Variants in CLTCL1 observed in about 807,000 individuals in gnomAD.
The protein encoded by CLTCL1 is clathrin heavy chain like 1, also known as clathrin heavy chain 2.
CLTCL1 carries 159 observed loss-of-function variants against 190.0 expected under a neutral mutation model. That is an observed-to-expected ratio of 0.84 (90% confidence interval 0.74 to 0.95). The LOEUF (loss-of-function observed/expected upper bound fraction) is 0.95, where lower values mean the gene tolerates loss of function less well. Ranked by LOEUF, CLTCL1 falls within the 40% of genes least tolerant of loss-of-function variation. The probability of loss-of-function intolerance (pLI) is 0.00; values close to 1 mark genes in which losing one functional copy is unlikely to be tolerated. For missense variants in CLTCL1, 1,878 were observed against 2,033.4 expected (o/e 0.92, Z 1.47); for synonymous variants, 752 against 769.6 (o/e 0.98, Z 0.38).
intron 3 of CLTCL1, among the ~76,000 whole-genome samples, chr22:19,252,522 C>T (rs1336165251): frequency 6.6e-6 from 1 of 152,176 alleles, no homozygotes; most frequent in East Asian, 1.9e-4. Context: ...TTGACTTAAG[C>T]TGCTCTCTCA....
Position 19,180,210 on chromosome 22 carries a change from A to G in CLTCL1, c.*9T>C. The G allele has an allele frequency of 6.2e-7, 1 of 1,613,772 alleles. No homozygotes were observed. The highest frequency in any genetic ancestry group is 8.5e-7 in the Non-Finnish European group (1 of 1,179,788). The stretch of plus-strand genomic sequence containing the variant: ...AATGGGACACTTACTTAGTGCAATC[A>G]GCTGGGTCTCATTCATGCCCATCAA... On this transcript the variant is annotated 3_prime_UTR_variant, in exon 32 of 33. Transcript: ENST00000427926.
chr22:19,180,477 G>C (rs1010497494), intron 31 of CLTCL1, among the ~76,000 whole-genome samples: 1 of 152,200 alleles, frequency 6.6e-6, no homozygotes, highest in Non-Finnish European at 1.5e-5. Flanking sequence ...GCCAGGCCCA[G>C]CAGGACACAG....
At chr22:19,243,438 C>A (rs1474333862) in intron 3 of CLTCL1, among the ~76,000 whole-genome samples, 2 of 152,066 alleles carry the variant, frequency 1.3e-5, no homozygotes, top group African/African-American at 4.8e-5. Context: ...GGCAACATAG[C>A]AAGACGCCAT....
rs5746694 is a variant in CLTCL1 at position 19,237,111 on chromosome 22, C to A, written c.796-1242G>T. ...AGGTGCCACATATCACAAATTACGA[C>A]TGGGAAAAATATTCAAAATACATCA... On this transcript the variant is annotated intron_variant, in intron 5 of 32. Coordinates refer to ENST00000427926, the MANE Select transcript of CLTCL1 (RefSeq NM_007098.4). 7.2e-3 allele frequency among the ~76,000 whole-genome samples: 1,092 copies of A among 152,180 alleles called. 18 individuals are homozygous for A. The highest frequency in any genetic ancestry group is 0.05 in the South Asian group (242 of 4,820).
At chr22:19,226,975 T>G (rs1250327977) in intron 11 of CLTCL1, among the ~76,000 whole-genome samples, 3 of 151,930 alleles carry the variant, frequency 2.0e-5, no homozygotes. Flanking sequence ...TGACCTCAAA[T>G]GATCTGCCCA....
chr22:19,257,846 G>A (rs1238335801), intron 2 of CLTCL1: 3 of 1,420,626 alleles, frequency 2.1e-6, no homozygotes, highest in Non-Finnish European at 2.8e-6. Flanking sequence ...ATTAGAGGCT[G>A]GAGAGCAAAA....
At position 19,267,874 on chromosome 22, in the gene CLTCL1, G is replaced by A. The variant is rs1455490914; in HGVS notation, c.250+7749C>T. Among the ~76,000 whole-genome samples the A allele has an allele frequency of 2.7e-5, 4 of 150,036 alleles. No homozygotes were observed. The East Asian group carries it at 7.8e-4, about 29-fold the overall frequency. Reference sequence around the variant, plus strand: ...TGCGCCCCTGCACTCCAGGCTGGGTGAGAAGAACAAGACTCTGTCTCAAAA... The same window carrying A: ...TGCGCCCCTGCACTCCAGGCTGGGTAAGAAGAACAAGACTCTGTCTCAAAA... On this transcript the variant is annotated intron_variant, in intron 2 of 32. Transcript: ENST00000427926.
At chr22:19,223,806 C>CT in intron 14 of CLTCL1, 85 bp downstream of exon 14, 1 of 1,534,308 alleles carries the variant, frequency 6.5e-7, no homozygotes, top group Non-Finnish European at 8.9e-7. Context: ...ATCCAGCTTC[C>CT]TGCCCCTGGG....
At chr22:19,197,137 G>A (rs2084736568) in intron 24 of CLTCL1, among the ~76,000 whole-genome samples, 1 of 152,112 alleles carries the variant, frequency 6.6e-6, no homozygotes, top group Non-Finnish European at 1.5e-5. Flanking sequence ...CCCTGGACAA[G>A]ACCAGACGTC....
At chr22:19,248,318 T>G (rs369507957) in intron 3 of CLTCL1, among the ~76,000 whole-genome samples, 64 of 152,152 alleles carry the variant, frequency 4.2e-4, no homozygotes, top group African/African-American at 1.5e-3. Flanking sequence ...AATTATGAAT[T>G]TTTTTGCAAT....
At chr22:19,236,298 G>A (rs782455296) in intron 5 of CLTCL1, among the ~76,000 whole-genome samples, 5 of 152,160 alleles carry the variant, frequency 3.3e-5, no homozygotes, top group Non-Finnish European at 7.3e-5. Context: ...TATCTTTCAG[G>A]TAGAGCGATC....
intron 2 of CLTCL1, among the ~76,000 whole-genome samples, chr22:19,255,028 G>C (rs868913528): frequency 3.3e-5 from 5 of 152,162 alleles, no homozygotes; most frequent in Middle Eastern, 6.8e-3. Context: ...ACAAAGATTG[G>C]GAACAAGGCA....
chr22:19,205,963 G>A (rs906283465), intron 22 of CLTCL1, among the ~76,000 whole-genome samples: 9 of 145,878 alleles, frequency 6.2e-5, no homozygotes, highest in South Asian at 4.3e-4. Flanking sequence ...TTCTCACTCC[G>A]TCACCCAGGT....
chr22:19,218,482 G>C (rs1301689354), intron 18 of CLTCL1, among the ~76,000 whole-genome samples: 1 of 152,196 alleles, frequency 6.6e-6, no homozygotes, highest in Non-Finnish European at 1.5e-5. Context: ...GGAAACAGTG[G>C]ACAGAAAACG....
chr22:19,265,421 C>T (rs1226166928), intron 2 of CLTCL1, among the ~76,000 whole-genome samples: 3 of 152,012 alleles, frequency 2.0e-5, no homozygotes, highest in Non-Finnish European at 2.9e-5. Context: ...AAAGATTTCT[C>T]TTAATTTCAT....
chr22:19,286,206 A>C (rs1234471370), intron 1 of CLTCL1, among the ~76,000 whole-genome samples: 1 of 152,062 alleles, frequency 6.6e-6, no homozygotes, highest in Non-Finnish European at 1.5e-5. Flanking sequence ...GTTTTTCCAA[A>C]GAGTCCCCAT....
Position 19,260,779 on chromosome 22 carries a change from C to CAA in CLTCL1, c.251-6554_251-6553dup, listed in dbSNP as rs34267370. ...GGGCAACAAGAGTGAAACTCTGTCT[C>CAA]AAAAAAAAAAAAAAAAAAAAAAAAA... On this transcript the variant is annotated intron_variant, in intron 2 of 32. Transcript: ENST00000427926. Among the ~76,000 whole-genome samples the CAA allele has an allele frequency of 4.7e-3, 265 of 56,756 alleles. 1 individual carries two copies. The highest frequency in any genetic ancestry group is 6.6e-3 in the East Asian group (13 of 1,964). The allele number at this position is 56,756 out of a possible 152,430, so 37.2% of individuals were successfully genotyped here.
chr22:19,263,272 T>C (rs543068892), intron 2 of CLTCL1, among the ~76,000 whole-genome samples: 277 of 151,536 alleles, frequency 1.8e-3, no homozygotes, highest in Non-Finnish European at 3.2e-3. Context: ...TTTTTTTTTT[T>C]TTTTTGAGCT....
At chr22:19,273,906 C>T (rs2087408163) in intron 2 of CLTCL1, among the ~76,000 whole-genome samples, 1 of 152,110 alleles carries the variant, frequency 6.6e-6, no homozygotes, top group Admixed American at 6.6e-5. Context: ...ACAGTAAACC[C>T]ACCTTCTTCA....
Sources: allele counts gnomAD v4.1 joint callset (sites outside exome capture counted in the v4.1 genomes callset), GRCh38; gene constraint gnomAD v4.1.1; transcripts MANE v1.5; gene names NCBI Gene and HGNC (gene_info 2026-07-23, HGNC 2026-07-21).